Variants in CRY1 observed in about 807,000 individuals in gnomAD.
The protein encoded by CRY1 is cryptochrome circadian regulator 1.
In CRY1, 45 loss-of-function variants were observed where a neutral mutation model predicts 76.0. That is an observed-to-expected ratio of 0.59 (90% CI 0.47 to 0.76). The LOEUF (loss-of-function observed/expected upper bound fraction) is 0.76, where lower values mean the gene tolerates loss of function less well. Among genes scored for constraint, CRY1 ranks in the 30% least tolerant of loss-of-function variants. CRY1 has a pLI of 0.00. For missense variants in CRY1, 587 were observed against 716.4 expected (o/e 0.82, Z 2.06); for synonymous variants, 248 against 244.0 (o/e 1.02, Z -0.15).
chr12:106,999,043 C>CAAAAAAA (rs778236677), intron 7 of CRY1, among the ~76,000 whole-genome samples: 1 of 52,666 alleles, frequency 1.9e-5, no homozygotes, highest in Non-Finnish European at 4.3e-5. Flanking sequence ...GACTCCGTCT[C>CAAAAAAA]AAAAAAAAAA....
intron 1 of CRY1, among the ~76,000 whole-genome samples, chr12:107,073,241 CTCTT>C (rs1199061557): frequency 6.6e-5 from 10 of 150,762 alleles, no homozygotes; most frequent in Non-Finnish European, 1.5e-4. Context: ...CTCTCTCTCT[CTCTT>C]TTTTTTTTGA....
intron 1 of CRY1, among the ~76,000 whole-genome samples, chr12:107,087,091 G>A (rs1953411569): frequency 2.0e-5 from 3 of 152,256 alleles, no homozygotes; most frequent in African/African-American, 7.2e-5. Context: ...AAGATTAAAA[G>A]TATCCTTTGG....
chr12:107,060,712 C>T (rs7295219), intron 1 of CRY1, among the ~76,000 whole-genome samples: 18,833 of 152,014 alleles, frequency 0.12, 1,967 homozygotes, highest in African/African-American at 0.27. Context: ...AAATTTGGGC[C>T]GGGTGTGGTG....
At chr12:107,079,541 C>T (rs1953297279) in intron 1 of CRY1, among the ~76,000 whole-genome samples, 1 of 152,132 alleles carries the variant, frequency 6.6e-6, no homozygotes, top group South Asian at 2.1e-4. Flanking sequence ...AGGCAACCAA[C>T]TAGCAAACAA....
chr12:107,002,854 C>G (rs1002304371), intron 3 of CRY1, among the ~76,000 whole-genome samples: 2 of 152,058 alleles, frequency 1.3e-5, no homozygotes, highest in Admixed American at 6.6e-5. Flanking sequence ...GGGGAGTTAC[C>G]CTGCACAAGA....
chr12:107,046,125 T>TAAA (rs35548593), intron 1 of CRY1, among the ~76,000 whole-genome samples: 1 of 137,094 alleles, frequency 7.3e-6, no homozygotes. Context: ...GACTCTGTCT[T>TAAA]AAAAAAAAAA....
chr12:107,028,945 A>G (rs1026090444), intron 1 of CRY1, among the ~76,000 whole-genome samples: 4 of 152,236 alleles, frequency 2.6e-5, no homozygotes, highest in Non-Finnish European at 5.9e-5. Flanking sequence ...TTGTGTAAAA[A>G]ATACCTACTG....
At chr12:107,039,937 ACATACATACATATACACACACGTATATG>A (rs1229550719) in intron 1 of CRY1, among the ~76,000 whole-genome samples, 2 of 152,220 alleles carry the variant, frequency 1.3e-5, no homozygotes, top group African/African-American at 4.8e-5. Flanking sequence ...AAAATATTAT[ACATACATACATATACACACACGTATATG>A]CATACATACA....
At chr12:107,067,563 C>CAA (rs199513991) in intron 1 of CRY1, among the ~76,000 whole-genome samples, 12 of 138,080 alleles carry the variant, frequency 8.7e-5, no homozygotes, top group African/African-American at 3.1e-4. Flanking sequence ...TTTTCAAAGG[C>CAA]AAAAAAAAAA....
chr12:107,011,289 G>T (rs1299232636), intron 2 of CRY1, among the ~76,000 whole-genome samples: 1 of 151,972 alleles, frequency 6.6e-6, no homozygotes, highest in Non-Finnish European at 1.5e-5. Flanking sequence ...AGCGGAGTTT[G>T]CAGTGAGCTG....
At chr12:107,025,607 C>T (rs540861829) in intron 1 of CRY1, among the ~76,000 whole-genome samples, 28 of 152,174 alleles carry the variant, frequency 1.8e-4, no homozygotes, top group Admixed American at 8.5e-4. Context: ...CCTTCCTTTC[C>T]ACTTCTGTTT....
chr12:107,087,942 G>C lies in CRY1; in HGVS notation c.158+4862C>G, dbSNP rs867805261. ...TGGTCCCAGCTACTTGGGAGGCTGA[G>C]GTGGGACAACTGCTTGAGCCCAGGT... On this transcript the variant is annotated intron_variant, in intron 1 of 12. Transcript: ENST00000008527. Among the ~76,000 whole-genome samples, 4 of 152,230 alleles carry C rather than the reference G, an allele frequency of 2.6e-5. No individual in the cohort carries two copies. In the East Asian group the frequency reaches 7.7e-4, roughly 29 times the overall value.
chr12:107,023,774 T>C (rs749778612), intron 1 of CRY1, among the ~76,000 whole-genome samples: 13 of 152,214 alleles, frequency 8.5e-5, no homozygotes, highest in Non-Finnish European at 1.3e-4. Flanking sequence ...ACATCCCTTT[T>C]CTGCCTTGGT....
At chr12:107,023,914 T>A (rs755470016) in intron 1 of CRY1, among the ~76,000 whole-genome samples, 16 of 152,216 alleles carry the variant, frequency 1.1e-4, no homozygotes, top group Admixed American at 2.6e-4. Context: ...AATAAAATTA[T>A]CTCCAACTAT....
rs763079464 is a variant in CRY1 at position 107,092,991 on chromosome 12, G to C, written c.-30C>G. The C allele has an allele frequency of 5.3e-6, 8 of 1,501,028 alleles. No homozygotes were observed. Among genetic ancestry groups the C allele is most frequent in the Admixed American group, 2.3e-5 (1 of 42,580 alleles). The allele number at this position is 1,501,028 out of a possible 1,614,324, so 93.0% of individuals were successfully genotyped here. On this transcript the variant is annotated 5_prime_UTR_variant, in exon 1 of 13. Coordinates refer to ENST00000008527, the MANE Select transcript of CRY1 (RefSeq NM_004075.5). Reference sequence around the variant, plus strand: ...GGGGGCGCGGCGGGTCCTCCACGGAGAAATTCAAGGAAGGAGGCTCCGGCT... The same window carrying C: ...GGGGGCGCGGCGGGTCCTCCACGGACAAATTCAAGGAAGGAGGCTCCGGCT...
intron 1 of CRY1, among the ~76,000 whole-genome samples, chr12:107,050,649 CTCT>C (rs1363422383): frequency 6.6e-6 from 1 of 152,200 alleles, no homozygotes; most frequent in Non-Finnish European, 1.5e-5. Flanking sequence ...GCCAAAATAT[CTCT>C]TTTCTTTATA....
At chr12:107,056,606 A>G (rs527336699) in intron 1 of CRY1, among the ~76,000 whole-genome samples, 2 of 151,996 alleles carry the variant, frequency 1.3e-5, no homozygotes, top group Admixed American at 6.6e-5. Context: ...CTCATCAGCT[A>G]TCATTAATGT....
chr12:107,051,098 C>G (rs1952914033), intron 1 of CRY1, among the ~76,000 whole-genome samples: 1 of 152,176 alleles, frequency 6.6e-6, no homozygotes, highest in Admixed American at 6.5e-5. Flanking sequence ...GGTTATGAAC[C>G]TGTCATGGAC....
intron 1 of CRY1, among the ~76,000 whole-genome samples, chr12:107,075,076 C>A (rs1953236254): frequency 6.6e-6 from 1 of 151,956 alleles, no homozygotes; most frequent in Admixed American, 6.6e-5. Flanking sequence ...TTTATCAATT[C>A]ACACAAATAA....
Sources: allele counts gnomAD v4.1 joint callset (sites outside exome capture counted in the v4.1 genomes callset), GRCh38; gene constraint gnomAD v4.1.1; transcripts MANE v1.5; gene names NCBI Gene and HGNC (gene_info 2026-07-23, HGNC 2026-07-21).